SLAIN1: variants seen among roughly 807,000 people sequenced by gnomAD.
SLAIN1 encodes the protein SLAIN motif-containing protein 1.
SLAIN1 carries 17 observed loss-of-function variants against 55.4 expected under a neutral mutation model. The observed-to-expected ratio is 0.31, with a 90% CI of 0.21 to 0.46. The LOEUF (loss-of-function observed/expected upper bound fraction) is 0.46, where lower values mean the gene tolerates loss of function less well. Ranked by LOEUF, SLAIN1 falls within the 20% of genes least tolerant of loss-of-function variation. The pLI, the probability that SLAIN1 is intolerant of heterozygous loss-of-function variation, is 1.00. For missense variants in SLAIN1, 682 were observed against 785.1 expected (o/e 0.87, Z 1.57); for synonymous variants, 348 against 337.4 (o/e 1.03, Z -0.35).
intron 2 of SLAIN1, chr13:77,743,022 G>A (rs1248816806): frequency 7.0e-6 from 9 of 1,287,882 alleles, no homozygotes; most frequent in Admixed American, 2.4e-5. Context: ...ACAGCTAGCC[G>A]ATGGCGGAGT....
chr13:77,698,279 C>G lies in SLAIN1; in HGVS notation c.366C>G (p.Phe122Leu). The change falls in exon 1 of 7, where the codon TTC becomes TTG. Residue 122 changes from phenylalanine to leucine, a missense_variant. By Grantham distance (22) the Phe-to-Leu change is conservative. This residue lies in a region of SLAIN1 where 401 missense variants were observed against 417.3 expected (regional missense o/e 0.96). Transcript: ENST00000418532. The surrounding 1 kb of genome is among the most constrained non-coding windows in gnomAD (Gnocchi z 4.1). ...SGSGGGSSPA[F>L]PGTFCLPSPA... ...GCGGCGGTGGCTCCAGCCCCGCGTT[C>G]CCGGGCACCTTCTGCCTGCCTAGCC... 7.0e-7 allele frequency: 1 copy of G among 1,425,754 alleles called. No homozygotes were observed. The highest frequency in any genetic ancestry group is 9.2e-7 in the Non-Finnish European group (1 of 1,088,698). The allele number at this position is 1,425,754 out of a possible 1,614,324, so 88.3% of individuals were successfully genotyped here. A position where few individuals can be genotyped will look rare whatever the true frequency, so the allele number is the denominator to read the frequency against.
chr13:77,705,824 A>T (rs1027796352), intron 1 of SLAIN1, among the ~76,000 whole-genome samples: 1 of 151,862 alleles, frequency 6.6e-6, no homozygotes, highest in African/African-American at 2.4e-5. Context: ...GTCATACTTC[A>T]TTGGAAACAT....
intron 1 of SLAIN1, among the ~76,000 whole-genome samples, chr13:77,703,049 A>G (rs2091046791): frequency 6.6e-6 from 1 of 152,150 alleles, no homozygotes; most frequent in South Asian, 2.1e-4. Flanking sequence ...ATGGTTCTAT[A>G]TGAGAAAATG....
intron 2 of SLAIN1, among the ~76,000 whole-genome samples, chr13:77,724,319 C>T (rs74901989): frequency 1.4e-3 from 213 of 152,178 alleles, no homozygotes; most frequent in African/African-American, 4.9e-3. Context: ...TGTGGTACTT[C>T]GCACCTACGA....
rs963076014 is a variant in SLAIN1 at position 77,727,827 on chromosome 13, G to A, written c.766+8156G>A. Among the ~76,000 whole-genome samples, 3 of 152,294 alleles carry A rather than the reference G, an allele frequency of 2.0e-5. No individual in the cohort carries two copies. The South Asian group carries it at 6.2e-4, about 32-fold the overall frequency. The stretch of plus-strand genomic sequence containing the variant: ...TTTAGAAAGATTTCTGGAAATATTG[G>A]ATGTGAAATTACTTCAGAAATGTGG... On this transcript the variant is annotated intron_variant, in intron 2 of 6. Transcript: ENST00000418532.
At chr13:77,730,350 A>G (rs1410347290) in intron 2 of SLAIN1, among the ~76,000 whole-genome samples, 2 of 152,140 alleles carry the variant, frequency 1.3e-5, no homozygotes, top group Non-Finnish European at 2.9e-5. Flanking sequence ...GGAGAGTGAA[A>G]TGGTGGTTTT....
Position 77,698,361 on chromosome 13 carries a change from T to A in SLAIN1, c.448T>A (p.Phe150Ile). 1 of 1,440,728 alleles carries A rather than the reference T, an allele frequency of 6.9e-7. No homozygotes were observed. Among genetic ancestry groups the A allele is most frequent in the Non-Finnish European group, 9.1e-7 (1 of 1,098,166 alleles). 89.2% of individuals were successfully genotyped at this position (1,440,728 alleles called of 1,614,324 possible). ...GCCACCCGAGGCGCCCTTCGTCTAC[T>A]TCAAGCCGGCAGCAGGCTTCTTCGG... Reference protein sequence around the residue: ...AQPPEAPFVYFKPAAGFFGAG... With the variant: ...AQPPEAPFVYIKPAAGFFGAG... The change falls in exon 1 of 7, where the codon TTC becomes ATC. Residue 150 changes from phenylalanine to isoleucine, a missense_variant. Physicochemically the swap from Phe to Ile is conservative, Grantham distance 21. Coordinates refer to ENST00000418532, the MANE Select transcript of SLAIN1 (RefSeq NM_001242868.2). This position sits in a 1 kb window ranked among gnomAD's most constrained non-coding sequence, Gnocchi z 4.1.
At position 77,719,556 on chromosome 13, in the gene SLAIN1, G is replaced by A. The variant is rs745569718; in HGVS notation, c.651G>A (p.Thr217=). 7 of 1,612,708 alleles carry A rather than the reference G, an allele frequency of 4.3e-6. No individual in the cohort carries two copies. The highest frequency in any genetic ancestry group is 2.2e-5 in the East Asian group (1 of 44,864). The change falls in exon 2 of 7, where the codon ACG becomes ACA. Residue 217 remains threonine (T), a synonymous_variant. Coordinates refer to ENST00000418532, the MANE Select transcript of SLAIN1 (RefSeq NM_001242868.2). ...YTWLYIGSSK[T]FTSSEKSLTP... ...GGTTATACATTGGCTCTTCAAAGAC[G>A]TTCACCTCATCAGAGAAATCCCTGA...
At chr13:77,702,161 C>A (rs6563017) in intron 1 of SLAIN1, among the ~76,000 whole-genome samples, 29,903 of 151,054 alleles carry the variant, frequency 0.2, 3,155 homozygotes, top group Admixed American at 0.24. Flanking sequence ...TTAATCCAGT[C>A]TATCATTGTT....
At chr13:77,723,682 A>G (rs2091282070) in intron 2 of SLAIN1, among the ~76,000 whole-genome samples, 2 of 152,122 alleles carry the variant, frequency 1.3e-5, no homozygotes, top group Admixed American at 1.3e-4. Context: ...AATAACATGA[A>G]TATTTTAGAA....
At chr13:77,760,336 A>C (rs1233398044) in intron 5 of SLAIN1, among the ~76,000 whole-genome samples, 1 of 152,198 alleles carries the variant, frequency 6.6e-6, no homozygotes, top group Non-Finnish European at 1.5e-5. Context: ...ATGCCCAGCA[A>C]CTCAGATAGA....
chr13:77,714,813 G>A (rs970794050), intron 1 of SLAIN1, among the ~76,000 whole-genome samples: 2 of 152,098 alleles, frequency 1.3e-5, no homozygotes, highest in Non-Finnish European at 2.9e-5. Context: ...GAAGTTTCCT[G>A]TGGCCCCTTG....
Position 77,744,382 on chromosome 13 carries a change from A to T in SLAIN1, c.866A>T (p.Lys289Ile). The change falls in exon 3 of 7, where the codon AAA (lysine) becomes ATA (isoleucine). Residue 289 changes from lysine (K) to isoleucine (I), a missense_variant. Physicochemically the swap from Lys to Ile is moderately radical, Grantham distance 102. Transcript: ENST00000418532. ...LEDDSISMGY[K>I]LQDLTDVQIM... ...GATGATTCTATCTCCATGGGATATA[A>T]ATTACAGGACCTCACTGATGTTCAG... The T allele has an allele frequency of 2.5e-6, 4 of 1,612,848 alleles. No individual in the cohort carries two copies. Among genetic ancestry groups the T allele is most frequent in the Non-Finnish European group, 3.4e-6 (4 of 1,179,268 alleles).
At chr13:77,753,684 T>C (rs1425052805) in intron 5 of SLAIN1, among the ~76,000 whole-genome samples, 1 of 152,212 alleles carries the variant, frequency 6.6e-6, no homozygotes, top group African/African-American at 2.4e-5. Context: ...CCTAGGATAG[T>C]AGAAGTACTA....
intron 1 of SLAIN1, among the ~76,000 whole-genome samples, chr13:77,702,296 G>C (rs900014223): frequency 6.6e-6 from 1 of 151,888 alleles, no homozygotes; most frequent in Non-Finnish European, 1.5e-5. Flanking sequence ...AATTTGATAG[G>C]CTTAGCTCTC....
At chr13:77,723,749 C>T (rs1461583403) in intron 2 of SLAIN1, among the ~76,000 whole-genome samples, 1 of 152,004 alleles carries the variant, frequency 6.6e-6, no homozygotes, top group East Asian at 1.9e-4. Flanking sequence ...GTGCTATAAA[C>T]TTTAGTTCTG....
Position 77,763,284 on chromosome 13 carries a change from G to A in SLAIN1, c.*64G>A. On this transcript the variant is annotated 3_prime_UTR_variant, in exon 7 of 7. Transcript: ENST00000418532. The stretch of plus-strand genomic sequence containing the variant: ...AAAATGAGGGTTGTGTTACCTAGCT[G>A]GCTGGGTAGCAGTGGATGTTGGGAT... The A allele has an allele frequency of 3.7e-5, 47 of 1,278,636 alleles. No homozygotes were observed. The highest frequency in any genetic ancestry group is 5.0e-5 in the Non-Finnish European group (44 of 878,090). The allele number at this position is 1,278,636 out of a possible 1,614,324, so 79.2% of individuals were successfully genotyped here. A position where few individuals can be genotyped will look rare whatever the true frequency, so the allele number is the denominator to read the frequency against.
At chr13:77,739,929 G>A (rs147818727) in intron 2 of SLAIN1, among the ~76,000 whole-genome samples, 1 of 151,868 alleles carries the variant, frequency 6.6e-6, no homozygotes, top group Non-Finnish European at 1.5e-5. Context: ...ATAAGAGACC[G>A]TTAGTCACCC....
chr13:77,717,560 T>C (rs116842892), intron 1 of SLAIN1, among the ~76,000 whole-genome samples: 2,049 of 152,288 alleles, frequency 0.013, 43 homozygotes, highest in East Asian at 0.019. Flanking sequence ...AAGCATATAA[T>C]TGAGTCTTTT....
Sources: gnomAD v4.1 joint callset for allele counts (sites outside exome capture counted in the v4.1 genomes callset) on GRCh38, gnomAD v4.1.1 for gene constraint, gnomAD v4.1.1 regional missense constraint, Gnocchi (gnomAD v3.1) non-coding constraint, MANE v1.5 for transcripts, NCBI Gene and HGNC (gene_info 2026-07-23, HGNC 2026-07-21) for gene names.